Variants in ARHGEF6 observed in about 807,000 individuals in gnomAD.
The protein encoded by ARHGEF6 is rho guanine nucleotide exchange factor 6.
In ARHGEF6, 9 loss-of-function variants were observed where a neutral mutation model predicts 70.3. The ratio of observed to expected loss-of-function variants is 0.13; its 90% CI spans 0.08 to 0.22. ARHGEF6 has a LOEUF of 0.22. Ranked by LOEUF, ARHGEF6 falls within the 10% of genes least tolerant of loss-of-function variation. The pLI, the probability that ARHGEF6 is intolerant of heterozygous loss-of-function variation, is 1.00. For missense variants in ARHGEF6, 470 were observed against 563.0 expected (o/e 0.83, Z 1.67); for synonymous variants, 201 against 207.8 (o/e 0.97, Z 0.28).
At position 136,732,097 on chromosome X, in the gene ARHGEF6, C is replaced by T; in HGVS notation, c.732+5G>A. The T allele has an allele frequency of 8.3e-7, 1 of 1,199,873 alleles. No individual in the cohort carries two copies. Among genetic ancestry groups the T allele is most frequent in the Non-Finnish European group, 1.1e-6 (1 of 886,351 alleles). On this transcript the variant is annotated splice_donor_5th_base_variant and intron_variant, in intron 6 of 21. Coordinates refer to ENST00000250617, the MANE Select transcript of ARHGEF6 (RefSeq NM_004840.3). ...AAAATTTTTATTCATCATCTGAACA[C>T]TTACCACAGTATAATAATTCTTGGT...
At position 136,778,717 on chromosome X, in the gene ARHGEF6, T is replaced by C. The variant is rs141688604; in HGVS notation, c.249+697A>G. Reference sequence around the variant, plus strand: ...ACTGTCCAGGCTGGTCTCGAACTCCTGGGCTATAGCAATCCTTCTGCCTTG... The same window carrying C: ...ACTGTCCAGGCTGGTCTCGAACTCCCGGGCTATAGCAATCCTTCTGCCTTG... On this transcript the variant is annotated intron_variant, in intron 2 of 21. Transcript: ENST00000250617. 4.5e-3 allele frequency among the ~76,000 whole-genome samples: 497 copies of C among 111,438 alleles called. 1 individual carries two copies. The highest frequency in any genetic ancestry group is 7.3e-3 in the Non-Finnish European group (390 of 53,064).
At chrX:136,689,805 A>G (rs1235374192) in intron 10 of ARHGEF6, among the ~76,000 whole-genome samples, 3 of 111,468 alleles carry the variant, frequency 2.7e-5, no homozygotes, top group African/African-American at 3.3e-5. Flanking sequence ...AGCCTCCTCC[A>G]GCAGGCCCTC....
At chrX:136,686,709 CATATATATATATAT>C (rs35706788) in intron 11 of ARHGEF6, among the ~76,000 whole-genome samples, 2 of 63,140 alleles carry the variant, frequency 3.2e-5, no homozygotes, top group African/African-American at 1.2e-4. Context: ...TATATATATA[CATATATATATATAT>C]ATATATATAT....
At chrX:136,724,103 G>A (rs1380549043) in intron 6 of ARHGEF6, among the ~76,000 whole-genome samples, 5 of 99,785 alleles carry the variant, frequency 5.0e-5, no homozygotes, top group African/African-American at 1.9e-4. Flanking sequence ...TTTTTTAGAC[G>A]GAGTCTCACT....
intron 11 of ARHGEF6, 29 bp downstream of exon 11, chrX:136,687,903 G>C (rs993736215): frequency 8.6e-7 from 1 of 1,163,134 alleles, no homozygotes; most frequent in Admixed American, 2.2e-5. Context: ...ATACAAAATG[G>C]AGAATTGTGA....
At chrX:136,676,473 C>T in intron 18 of ARHGEF6, 151 bp downstream of exon 18, 4 of 461,445 alleles carry the variant, frequency 8.7e-6, no homozygotes, top group Non-Finnish European at 1.5e-5. Context: ...AAGAAGTGAC[C>T]AAAGCTTTCC....
chrX:136,695,024 C>A (rs1481375886), intron 9 of ARHGEF6, among the ~76,000 whole-genome samples: 1 of 111,953 alleles, frequency 8.9e-6, no homozygotes, highest in East Asian at 2.8e-4. Flanking sequence ...AAGAAGTTCA[C>A]CTGAACATCA....
At chrX:136,696,813 C>T (rs970678043) in intron 9 of ARHGEF6, among the ~76,000 whole-genome samples, 7 of 110,219 alleles carry the variant, frequency 6.4e-5, no homozygotes, top group African/African-American at 2.3e-4. Flanking sequence ...GACAGAAGCT[C>T]CATTCCGGGC....
chrX:136,759,351 C>A (rs184392773), intron 2 of ARHGEF6, among the ~76,000 whole-genome samples: 57 of 111,697 alleles, frequency 5.1e-4, no homozygotes, highest in Admixed American at 5.0e-3. Flanking sequence ...CTTAAAGATG[C>A]CTCTTAAGGC....
intron 9 of ARHGEF6, among the ~76,000 whole-genome samples, chrX:136,704,491 T>C (rs899098946): frequency 5.3e-5 from 6 of 112,188 alleles, no homozygotes; most frequent in African/African-American, 1.9e-4. Flanking sequence ...GCTATAAAGA[T>C]ACTATCTGAG....
intron 6 of ARHGEF6, among the ~76,000 whole-genome samples, chrX:136,730,129 T>G (rs1437813925): frequency 9.0e-6 from 1 of 111,162 alleles, no homozygotes; most frequent in Non-Finnish European, 1.9e-5. Flanking sequence ...GTTATTTCAT[T>G]TTTTTAATGA....
intron 2 of ARHGEF6, among the ~76,000 whole-genome samples, chrX:136,778,647 G>A (rs773917115): frequency 8.2e-5 from 9 of 110,134 alleles, no homozygotes; most frequent in African/African-American, 2.7e-4. Flanking sequence ...AAGCCACCAC[G>A]CCTGCCTAAT....
intron 19 of ARHGEF6, among the ~76,000 whole-genome samples, chrX:136,673,399 A>G (rs1389751265): frequency 8.9e-6 from 1 of 111,883 alleles, no homozygotes; most frequent in African/African-American, 3.3e-5. Context: ...GGGATAGAGG[A>G]TAGAAGGTCA....
intron 2 of ARHGEF6, among the ~76,000 whole-genome samples, chrX:136,771,335 T>C (rs1336563768): frequency 8.9e-6 from 1 of 112,322 alleles, no homozygotes; most frequent in Non-Finnish European, 1.9e-5. Context: ...TTTGTAGAAA[T>C]TGACAAGCTG....
intron 2 of ARHGEF6, among the ~76,000 whole-genome samples, chrX:136,769,506 G>C (rs956383486): frequency 2.7e-5 from 3 of 112,021 alleles, no homozygotes; most frequent in Non-Finnish European, 5.6e-5. Flanking sequence ...GGTAGTAATG[G>C]TGGAAGAGGA....
chrX:136,680,162 T>C (rs2076319002), intron 15 of ARHGEF6, among the ~76,000 whole-genome samples: 1 of 112,729 alleles, frequency 8.9e-6, no homozygotes, highest in South Asian at 3.6e-4. Context: ...TTTGGCATCA[T>C]AGGTTTGTAT....
chrX:136,667,068 G>A lies in ARHGEF6; in HGVS notation c.*961C>T, dbSNP rs987237812. On this transcript the variant is annotated 3_prime_UTR_variant, in exon 22 of 22. Transcript: ENST00000250617. ...AAACATCACAGTTTGAATATGCAAC[G>A]TACATAAAGTAACTCCTCACAGTCT... 3 of 112,505 alleles carry A rather than the reference G, an allele frequency of 2.7e-5. No homozygotes were observed. Among genetic ancestry groups the A allele is most frequent in the Non-Finnish European group, 3.8e-5 (2 of 53,301 alleles). The allele number at this position is 112,505 out of a possible 1,213,427, so 9.3% of individuals were successfully genotyped here.
Position 136,707,037 on chromosome X carries a change from A to G in ARHGEF6, c.924-7T>C. ...GTGCTGGTTTTCTGGAAACCTGTAAACAAAATGGACAAAACACAGAATGTA... is the reference window on the plus strand; with the variant it reads ...GTGCTGGTTTTCTGGAAACCTGTAAGCAAAATGGACAAAACACAGAATGTA... On this transcript the variant is annotated splice_polypyrimidine_tract_variant and splice_region_variant and intron_variant, in intron 8 of 21. Transcript: ENST00000250617. The G allele has an allele frequency of 8.3e-7, 1 of 1,209,822 alleles. No homozygotes were observed. The highest frequency in any genetic ancestry group is 1.1e-6 in the Non-Finnish European group (1 of 893,825).
At chrX:136,738,367 G>C (rs2077008833) in intron 5 of ARHGEF6, among the ~76,000 whole-genome samples, 1 of 111,351 alleles carries the variant, frequency 9.0e-6, no homozygotes, top group South Asian at 3.8e-4. Flanking sequence ...ACAGAGACAT[G>C]CACACACAAC....
Sources: allele counts gnomAD v4.1 joint callset (sites outside exome capture counted in the v4.1 genomes callset), GRCh38; gene constraint gnomAD v4.1.1; transcripts MANE v1.5; gene names NCBI Gene and HGNC (gene_info 2026-07-23, HGNC 2026-07-21).